PCDH15: variants seen among roughly 807,000 people sequenced by gnomAD.
PCDH15 encodes protocadherin-15.
A neutral mutation model predicts 178.5 loss-of-function variants in PCDH15; 129 were observed. The observed-to-expected ratio is 0.72, with a 90% CI of 0.63 to 0.84. PCDH15 has a LOEUF of 0.84. PCDH15 is among the 40% of genes least tolerant of loss of function. The probability of loss-of-function intolerance (pLI) is 0.00; values close to 1 mark genes in which losing one functional copy is unlikely to be tolerated. For synonymous variants in PCDH15, 800 were observed against 732.0 expected (o/e 1.09, Z -1.50); for missense variants, 2,230 against 2,099.9 (o/e 1.06, Z -1.21).
At chr10:54,733,420 G>A (rs1943670010) in intron 1 of PCDH15, among the ~76,000 whole-genome samples, 1 of 151,434 alleles carries the variant, frequency 6.6e-6, no homozygotes. Context: ...CAAAGTATAT[G>A]CATGATCTAT....
intron 15 of PCDH15, among the ~76,000 whole-genome samples, chr10:54,118,207 G>A (rs976330438): frequency 1.3e-5 from 2 of 152,056 alleles, no homozygotes; most frequent in African/African-American, 2.4e-5. Context: ...TATACTAATG[G>A]AATATATTGG....
At chr10:55,286,044 G>A (rs371454366) in intron 1 of PCDH15, among the ~76,000 whole-genome samples, 1 of 151,880 alleles carries the variant, frequency 6.6e-6, no homozygotes, top group African/African-American at 2.4e-5. Context: ...AATCTGAAAT[G>A]TTATGAACAT....
At chr10:54,389,941 T>TTAAAA (rs759190071) in intron 3 of PCDH15, among the ~76,000 whole-genome samples, 67 of 152,234 alleles carry the variant, frequency 4.4e-4, no homozygotes, top group Middle Eastern at 3.4e-3. Flanking sequence ...AGACTCCGTC[T>TTAAAA]TAAAATAAAA....
chr10:54,513,846 C>A (rs2081948683), intron 3 of PCDH15, among the ~76,000 whole-genome samples: 1 of 152,018 alleles, frequency 6.6e-6, no homozygotes, highest in Non-Finnish European at 1.5e-5. Context: ...AGCAATGAAT[C>A]AAAAAAGATA....
intron 28 of PCDH15, among the ~76,000 whole-genome samples, chr10:53,852,835 T>C (rs951374325): frequency 6.6e-6 from 1 of 152,092 alleles, no homozygotes; most frequent in African/African-American, 2.4e-5. Context: ...AGAAATGGCT[T>C]TGATGATAAC....
intron 21 of PCDH15, among the ~76,000 whole-genome samples, chr10:53,970,477 C>CA (rs1170536679): frequency 6.7e-4 from 100 of 149,544 alleles, no homozygotes; most frequent in African/African-American, 2.3e-3. Flanking sequence ...AAAACTCTTC[C>CA]AAAAAATCAA....
At position 54,964,293 on chromosome 10, in the gene PCDH15, G is replaced by A. The variant is rs58500952; in HGVS notation, c.-79-66793C>T. Among the ~76,000 whole-genome samples, 39 of 152,228 alleles carry A rather than the reference G, an allele frequency of 2.6e-4. No homozygotes were observed. In the East Asian group the frequency reaches 7.5e-3, roughly 29 times the overall value. ...GGCAATTGGGCTAGTTTCAATACCA[G>A]GACTAAACATTGCCAGAAGAACTGG... On this transcript the variant is annotated intron_variant, in intron 2 of 5. Transcript: ENST00000458638.
rs921373095 is a variant in PCDH15, at chr10:54,213,985, A to T, written c.1049T>A (p.Leu350Gln). Residue 350 changes from leucine (L) to glutamine (Q), a missense_variant, in exon 10 of 38, where the codon CTG becomes CAG. Physicochemically the swap from Leu to Gln is moderately radical, Grantham distance 113. Transcript: ENST00000644397. ...GTGAAAGTCTCTGTTTACTGGCTCC[A>T]GGAGACTAAGTTCTGCTGTCCTAGG... ...MHPRTAELSL[L>Q]EPVNRDFHQK... 6.2e-7 allele frequency: 1 copy of T among 1,611,982 alleles called. No homozygotes were observed. The highest frequency in any genetic ancestry group is 1.3e-5 in the African/African-American group (1 of 74,876).
intron 2 of PCDH15, among the ~76,000 whole-genome samples, chr10:54,977,229 C>A (rs1326619062): frequency 6.6e-6 from 1 of 152,078 alleles, no homozygotes; most frequent in Non-Finnish European, 1.5e-5. Flanking sequence ...GGGCTGCATT[C>A]ATAGGAGATT....
intron 1 of PCDH15, among the ~76,000 whole-genome samples, chr10:54,681,013 G>A (rs1032280612): frequency 6.6e-5 from 10 of 152,146 alleles, no homozygotes; most frequent in Non-Finnish European, 1.2e-4. Context: ...CCATAACAGG[G>A]AAGCAGGCAT....
intron 1 of PCDH15, among the ~76,000 whole-genome samples, chr10:55,183,262 A>G (rs1275437905): frequency 6.6e-6 from 1 of 151,980 alleles, no homozygotes; most frequent in East Asian, 1.9e-4. Context: ...CAAGTGTTTT[A>G]AGGGATAGTA....
intron 20 of PCDH15, among the ~76,000 whole-genome samples, chr10:54,005,924 A>G (rs1182178898): frequency 1.3e-5 from 2 of 152,140 alleles, no homozygotes; most frequent in South Asian, 4.1e-4. Context: ...CATCAACAGA[A>G]TAATGGAGAA....
intron 3 of PCDH15, among the ~76,000 whole-genome samples, chr10:54,385,209 G>A (rs1949771262): frequency 6.6e-6 from 1 of 152,050 alleles, no homozygotes; most frequent in Non-Finnish European, 1.5e-5. Context: ...ACCTCTAGGA[G>A]AATTCTGAGT....
Position 55,074,226 on chromosome 10 carries a change from C to A in PCDH15, c.-80+92350G>T, listed in dbSNP as rs191467391. ...GATTTATATTCCTTTGGTTATATAC[C>A]CAGTAATGGGATTGCTGGGTAAAAT... On this transcript the variant is annotated intron_variant, in intron 2 of 5. Transcript: ENST00000458638. Among the ~76,000 whole-genome samples the A allele has an allele frequency of 2.0e-3, 302 of 152,126 alleles. 2 individuals carry two copies. Among genetic ancestry groups the A allele is most frequent in the Non-Finnish European group, 3.8e-3 (255 of 67,998 alleles).
chr10:55,459,368 C>T (rs1002628024), intron 2 of PCDH15, among the ~76,000 whole-genome samples: 1 of 151,966 alleles, frequency 6.6e-6, no homozygotes, highest in Non-Finnish European at 1.5e-5. Context: ...GCAGTTTTCT[C>T]CCGCTTATCT....
chr10:55,494,417 ATTGT>A (rs2132131620), intron 2 of PCDH15, among the ~76,000 whole-genome samples: 1 of 151,624 alleles, frequency 6.6e-6, no homozygotes, highest in African/African-American at 2.4e-5. Flanking sequence ...TTTTGATTGG[ATTGT>A]TTAATATATT....
intron 19 of PCDH15, 91 bp downstream of exon 19, chr10:54,022,801 T>C: frequency 2.4e-6 from 3 of 1,252,536 alleles, no homozygotes; most frequent in Non-Finnish European, 3.5e-6. Context: ...ACTTGGTATG[T>C]TGTATTGTTA....
chr10:55,063,444 C>T (rs1217593116), intron 2 of PCDH15, among the ~76,000 whole-genome samples: 1 of 152,052 alleles, frequency 6.6e-6, no homozygotes, highest in Non-Finnish European at 1.5e-5. Flanking sequence ...TTTATATAAA[C>T]ATTGAAACTC....
chr10:55,595,101 T>C (rs1334172215), intron 2 of PCDH15, among the ~76,000 whole-genome samples: 4 of 152,066 alleles, frequency 2.6e-5, no homozygotes, highest in Non-Finnish European at 5.9e-5. Context: ...ACAAATATAA[T>C]TTTGTATGCT....
Sources: allele counts gnomAD v4.1 joint callset (sites outside exome capture counted in the v4.1 genomes callset), GRCh38; gene constraint gnomAD v4.1.1; transcripts MANE v1.5; gene names NCBI Gene and HGNC (gene_info 2026-07-23, HGNC 2026-07-21).